The following AHRR variants were observed in gnomAD, a reference collection of about 807,000 sequenced individuals.
AHRR encodes the protein aryl hydrocarbon receptor repressor.
Under a neutral mutation model 44.0 loss-of-function variants are expected in AHRR, and 28 were observed. That is an observed-to-expected ratio of 0.64 (90% CI 0.47 to 0.87). The LOEUF (loss-of-function observed/expected upper bound fraction) is 0.87. AHRR is among the 40% of genes least tolerant of loss of function. The pLI is 0.00. For missense variants in AHRR, 990 were observed against 953.9 expected (o/e 1.04, Z -0.50); for synonymous variants, 434 against 407.0 (o/e 1.07, Z -0.80).
chr5:331,019 GGCGC>G (rs1336505870), intron 1 of AHRR, among the ~76,000 whole-genome samples: 16 of 151,854 alleles, frequency 1.1e-4, no homozygotes, highest in African/African-American at 3.9e-4. Flanking sequence ...TGGGACTACA[GGCGC>G]GTGCCACCAT....
chr5:331,609 C>G (rs1481093178), intron 1 of AHRR, among the ~76,000 whole-genome samples: 1 of 152,056 alleles, frequency 6.6e-6, no homozygotes, highest in Non-Finnish European at 1.5e-5. Flanking sequence ...TACTATAAAC[C>G]AGGGGTCCTC....
At chr5:375,951 T>C (rs993900994) in intron 3 of AHRR, among the ~76,000 whole-genome samples, 1 of 138,790 alleles carries the variant, frequency 7.2e-6, no homozygotes, top group African/African-American at 3.0e-5. Context: ...TTGGGGGCTG[T>C]GCGCAGTCAC....
In AHRR at chr5:433,962, AGTGAGGATG is replaced by A. The variant is rs761722510; in HGVS notation, c.1226_1234del (p.Glu409_Gly411del). ...CCTGCCCTGGACAGCGGGAAAGCAC[AGTGAGGATG>A]GTGCCAGGCCGAGGCTGCAGCCCAG... On this transcript the variant is annotated inframe_deletion, in exon 11 of 11. Transcript: ENST00000684583. 1 of 1,559,018 alleles carries A rather than the reference AGTGAGGATG, an allele frequency of 6.4e-7. No homozygotes were observed. The highest frequency in any genetic ancestry group is 2.3e-5 in the East Asian group (1 of 44,376).
At chr5:374,129 T>C (rs927344018) in intron 3 of AHRR, among the ~76,000 whole-genome samples, 4 of 151,876 alleles carry the variant, frequency 2.6e-5, no homozygotes, top group African/African-American at 7.3e-5. Flanking sequence ...GGGTGGTCGG[T>C]CTGTGTGCGG....
At chr5:376,927 C>T (rs568007577) in intron 4 of AHRR, among the ~76,000 whole-genome samples, 116 of 152,232 alleles carry the variant, frequency 7.6e-4, no homozygotes, top group African/African-American at 2.7e-3. Context: ...GTGTGAGCCT[C>T]GTAGGCTGGG....
In AHRR at chr5:406,580, CA is replaced by C. The variant is rs1270698506; in HGVS notation, c.352-6762del. 1.3e-5 allele frequency among the ~76,000 whole-genome samples: 2 copies of C among 152,164 alleles called. No homozygotes were observed. The highest frequency in any genetic ancestry group is 2.4e-5 in the African/African-American group (1 of 41,422). ...AAATACTCAAGCTGGTTAGGCTATT[CA>C]AGAACATAGAAAGGGATAGAAAGCT... On this transcript the variant is annotated intron_variant, in intron 4 of 10. Transcript: ENST00000684583. This position sits in a 1 kb window ranked among gnomAD's most constrained non-coding sequence, Gnocchi z 4.7.
intron 4 of AHRR, among the ~76,000 whole-genome samples, chr5:400,452 G>T (rs928479609): frequency 6.6e-6 from 1 of 152,148 alleles, no homozygotes; most frequent in Admixed American, 6.5e-5. Context: ...TTCAGTAACA[G>T]CACATGGATG....
chr5:385,507 G>A (rs142773007), intron 4 of AHRR, among the ~76,000 whole-genome samples: 9 of 152,160 alleles, frequency 5.9e-5, no homozygotes, highest in Non-Finnish European at 1.2e-4. Context: ...CTTTTGCTGG[G>A]TATAGAATTC....
At chr5:433,641 C>T (rs1013866127) in intron 10 of AHRR, among the ~76,000 whole-genome samples, 3 of 152,316 alleles carry the variant, frequency 2.0e-5, no homozygotes, top group East Asian at 1.9e-4. Flanking sequence ...CTTCCTCACT[C>T]GCCCCAGGCA....
intron 4 of AHRR, among the ~76,000 whole-genome samples, chr5:402,954 C>T (rs11741523): frequency 0.047 from 7,161 of 151,362 alleles, 231 homozygotes; most frequent in Non-Finnish European, 0.069. Context: ...GACAGTTCTG[C>T]GTGATCTCAC....
Position 325,206 on chromosome 5 carries a change from C to T in AHRR, c.-11+3387C>T, listed in dbSNP as rs1412982453. On this transcript the variant is annotated intron_variant, in intron 1 of 10. Coordinates refer to ENST00000684583, the MANE Select transcript of AHRR (RefSeq NM_001377236.1). The stretch of plus-strand genomic sequence containing the variant: ...CTGTCCCACCACCCCCCGACCCGCT[C>T]TTGCCCTGTGGCTCTGCACTCATTT... Among the ~76,000 whole-genome samples, 4 of 152,252 alleles carry T rather than the reference C, an allele frequency of 2.6e-5. No homozygotes were observed. In the East Asian group the frequency reaches 7.7e-4, roughly 29 times the overall value.
At chr5:345,269 G>T (rs1433545098) in intron 2 of AHRR, among the ~76,000 whole-genome samples, 3 of 119,904 alleles carry the variant, frequency 2.5e-5, no homozygotes, top group Non-Finnish European at 1.6e-5. Flanking sequence ...GAGAGGGGTG[G>T]GTGGGTGTGT....
At chr5:368,812 A>G (rs1394009942) in intron 3 of AHRR, among the ~76,000 whole-genome samples, 1 of 152,244 alleles carries the variant, frequency 6.6e-6, no homozygotes, top group Non-Finnish European at 1.5e-5. Context: ...CAGCCACCCC[A>G]GTCTTCGCTG....
rs1220993335 is a variant in AHRR, at chr5:337,014, A to G, written c.-10-6879A>G. Among the ~76,000 whole-genome samples the G allele has an allele frequency of 5.3e-5, 8 of 152,122 alleles. No individual in the cohort carries two copies. Among genetic ancestry groups the G allele is most frequent in the African/African-American group, 1.2e-4 (5 of 41,418 alleles). On this transcript the variant is annotated intron_variant, in intron 1 of 10. Transcript: ENST00000684583. The surrounding 1 kb of genome is among the most constrained non-coding windows in gnomAD (Gnocchi z 4.1). Reference sequence around the variant, plus strand: ...GCCTTGGTGCCCTTGTGGAAAATCAATTGGTCATTGGTCATAATCAATTAG... The same window carrying G: ...GCCTTGGTGCCCTTGTGGAAAATCAGTTGGTCATTGGTCATAATCAATTAG...
intron 3 of AHRR, among the ~76,000 whole-genome samples, chr5:374,142 G>C (rs543640234): frequency 1.3e-5 from 2 of 152,258 alleles, no homozygotes; most frequent in African/African-American, 4.8e-5. Context: ...GTGTGCGGGT[G>C]ACCCAGGCGT....
At position 404,052 on chromosome 5, in the gene AHRR, CA is replaced by C. The variant is rs1228996734; in HGVS notation, c.352-9289del. ...GCTGAATCTGTTTAGTCTTTGCATCCAAATCATGTTGTCCAGCGTTTGAAGA... is the reference window on the plus strand; with the variant it reads ...GCTGAATCTGTTTAGTCTTTGCATCCAATCATGTTGTCCAGCGTTTGAAGA... On this transcript the variant is annotated intron_variant, in intron 4 of 10. Transcript: ENST00000684583. The surrounding 1 kb of genome is among the most constrained non-coding windows in gnomAD (Gnocchi z 4.1). The C allele has an allele frequency of 5.0e-5, 36 of 713,922 alleles. No individual in the cohort carries two copies. In the Admixed American group the frequency reaches 7.4e-4, roughly 15 times the overall value. 44.2% of individuals were successfully genotyped at this position (713,922 alleles called of 1,614,324 possible). A position where few individuals can be genotyped will look rare whatever the true frequency, so the allele number is the denominator to read the frequency against.
Position 433,883 on chromosome 5 carries a change from G to A in AHRR, c.1143G>A (p.Leu381=), listed in dbSNP as rs200500188. 2.6e-5 allele frequency: 40 copies of A among 1,513,366 alleles called. 1 individual carries two copies. In the Middle Eastern group the frequency reaches 3.3e-3, roughly 124 times the overall value. 93.7% of individuals were successfully genotyped at this position (1,513,366 alleles called of 1,614,324 possible). Reference sequence around the variant, plus strand: ...GGGAGGAGGAGCAGCACAGGATGCTGAGCAGGGCCTCTGGAGTGACAGGGC... The same window carrying A: ...GGGAGGAGGAGCAGCACAGGATGCTAAGCAGGGCCTCTGGAGTGACAGGGC... ...GDREEEQHRM[L]SRASGVTGRR... is the part of the protein sequence containing the mutation. The change falls in exon 11 of 11, where the codon CTG becomes CTA. Residue 381 remains leucine (L), a synonymous_variant. Coordinates refer to ENST00000684583, the MANE Select transcript of AHRR (RefSeq NM_001377236.1).
At position 405,087 on chromosome 5, in the gene AHRR, C is replaced by T. The variant is rs759156603; in HGVS notation, c.352-8257C>T. On this transcript the variant is annotated intron_variant, in intron 4 of 10. Coordinates refer to ENST00000684583, the MANE Select transcript of AHRR (RefSeq NM_001377236.1). The surrounding 1 kb of genome is among the most constrained non-coding windows in gnomAD (Gnocchi z 4.5). ...CCCAAGTGTTCCATGGCCCCCTCCCCCAAAGAAATGCAGCAGGTCTGACAT... is the reference window on the plus strand; with the variant it reads ...CCCAAGTGTTCCATGGCCCCCTCCCTCAAAGAAATGCAGCAGGTCTGACAT... Among the ~76,000 whole-genome samples the T allele has an allele frequency of 3.9e-5, 6 of 152,126 alleles. No individual in the cohort carries two copies. Among genetic ancestry groups the T allele is most frequent in the Non-Finnish European group, 8.8e-5 (6 of 68,030 alleles).
At chr5:421,656 T>TTC (rs1207026702) in intron 5 of AHRR, among the ~76,000 whole-genome samples, 1 of 152,208 alleles carries the variant, frequency 6.6e-6, no homozygotes, top group Non-Finnish European at 1.5e-5. Context: ...TGTTCCTCTG[T>TTC]TCACCGCTTT....
Sources: gnomAD v4.1 joint callset for allele counts (sites outside exome capture counted in the v4.1 genomes callset) on GRCh38, gnomAD v4.1.1 for gene constraint, Gnocchi (gnomAD v3.1) non-coding constraint, MANE v1.5 for transcripts, NCBI Gene and HGNC (gene_info 2026-07-23, HGNC 2026-07-21) for gene names.